USP39: variants seen among roughly 807,000 people sequenced by gnomAD.
USP39 encodes ubiquitin specific peptidase 39, also known as ubiquitin carboxyl-terminal hydrolase 39.
In USP39, 38 loss-of-function variants were observed where a neutral mutation model predicts 66.4. That is an observed-to-expected ratio of 0.57 (90% CI 0.44 to 0.75). The LOEUF (loss-of-function observed/expected upper bound fraction) is 0.75. Ranked by LOEUF, USP39 falls within the 30% of genes least tolerant of loss-of-function variation. The pLI, the probability that USP39 is intolerant of heterozygous loss-of-function variation, is 0.00. For synonymous variants in USP39, 303 were observed against 274.6 expected (o/e 1.10, Z -1.02); for missense variants, 608 against 714.4 (o/e 0.85, Z 1.70).
chr2:85,637,493 G>A (rs1193258314), intron 8 of USP39, 57 bp downstream of exon 8: 4 of 1,576,230 alleles, frequency 2.5e-6, no homozygotes, highest in Non-Finnish European at 3.5e-6. Flanking sequence ...GGGACGTAGG[G>A]GAGATGAAGA....
intron 10 of USP39, among the ~76,000 whole-genome samples, chr2:85,643,093 A>C (rs1169989905): frequency 6.6e-6 from 1 of 151,820 alleles, no homozygotes. Context: ...AAAAAAAATG[A>C]ATAGTTTGCT....
At chr2:85,635,791 T>G in intron 6 of USP39, among the ~76,000 whole-genome samples, 1 of 152,068 alleles carries the variant, frequency 6.6e-6, no homozygotes, top group East Asian at 1.9e-4. Context: ...TATTCATTTG[T>G]TTTGGTCATC....
chr2:85,648,065 C>A lies in USP39; in HGVS notation c.1650+49C>A, dbSNP rs369554377. 7 of 1,597,202 alleles carry A rather than the reference C, an allele frequency of 4.4e-6. No homozygotes were observed. In the African/African-American group the frequency reaches 5.4e-5, roughly 12 times the overall value. On this transcript the variant is annotated intron_variant, in intron 12 of 12. Coordinates refer to ENST00000323701, the MANE Select transcript of USP39 (RefSeq NM_006590.4). ...AGCCACAAATAGGTGGCGTATGGGG[C>A]CAGTGAGAGGAGTGGGCCAAGGCAG...
In USP39 at chr2:85,616,470, GGGGCC is replaced by G; in HGVS notation, c.268+17_268+21del. 6.6e-7 allele frequency: 1 copy of G among 1,518,800 alleles called. No individual in the cohort carries two copies. Among genetic ancestry groups the G allele is most frequent in the East Asian group, 2.5e-5 (1 of 39,910 alleles). The allele number at this position is 1,518,800 out of a possible 1,614,324, so 94.1% of individuals were successfully genotyped here. A position where few individuals can be genotyped will look rare whatever the true frequency, so the allele number is the denominator to read the frequency against. On this transcript the variant is annotated splice_region_variant and intron_variant, in intron 1 of 12. Transcript: ENST00000323701. Reference sequence around the variant, plus strand: ...CCTGAGCGGGAGGTGCGAGGTGCGCGGGGCCGGGCCGGGCTAGGCGCGAGAGCCTG... The same window carrying G: ...CCTGAGCGGGAGGTGCGAGGTGCGCGGGGCCGGGCTAGGCGCGAGAGCCTG...
At chr2:85,639,454 CT>C (rs10660019) in intron 9 of USP39, 63 bp downstream of exon 9, 178,311 of 1,126,244 alleles carry the variant, frequency 0.16, 1 homozygote, top group South Asian at 0.17. Context: ...TTTTCATTTT[CT>C]TTTTTTTTTT....
chr2:85,636,216 C>T, intron 7 of USP39, 86 bp downstream of exon 7: 5 of 1,325,640 alleles, frequency 3.8e-6, no homozygotes, highest in Non-Finnish European at 5.3e-6. Context: ...GCCTATAATC[C>T]CAGCTCTTTG....
chr2:85,621,595 G>T lies in USP39; in HGVS notation c.433+16G>T. ...TACTTTCAAGGTAAATAAGTTGTTA[G>T]AGCTAACTGCAGATCTGCTCCAGAG... On this transcript the variant is annotated intron_variant, in intron 3 of 12. Transcript: ENST00000323701. The T allele has an allele frequency of 6.2e-7, 1 of 1,605,510 alleles. No homozygotes were observed. The highest frequency in any genetic ancestry group is 1.1e-5 in the South Asian group (1 of 90,858).
upstream of USP39, chr2:85,609,667 T>C (rs1400675770): frequency 3.2e-6 from 5 of 1,544,276 alleles, no homozygotes; most frequent in African/African-American, 2.7e-5. Flanking sequence ...CAGGAAAATA[T>C]ACGGTTAGGA....
chr2:85,643,213 AG>A (rs1378371947), intron 10 of USP39, among the ~76,000 whole-genome samples: 2 of 152,116 alleles, frequency 1.3e-5, no homozygotes, highest in Non-Finnish European at 2.9e-5. Flanking sequence ...TCTCCAAACC[AG>A]GCACGGTGGC....
intron 12 of USP39, among the ~76,000 whole-genome samples, chr2:85,648,294 G>C (rs1676799767): frequency 6.6e-6 from 1 of 152,122 alleles, no homozygotes. Context: ...TGTGCGGTCT[G>C]GTTTCGAGGA....
Position 85,623,097 on chromosome 2 carries a change from T to C in USP39, c.434-549T>C, listed in dbSNP as rs571118156. The stretch of plus-strand genomic sequence containing the variant: ...TGGAAGAGCTGAGGTGGGACTTGAA[T>C]TGGCAGGACATAGAATTTGAATGGT... On this transcript the variant is annotated intron_variant, in intron 3 of 12. Transcript: ENST00000323701. Among the ~76,000 whole-genome samples, 3 of 152,230 alleles carry C rather than the reference T, an allele frequency of 2.0e-5. No individual in the cohort carries two copies. The East Asian group carries it at 5.8e-4, about 29-fold the overall frequency.
At chr2:85,611,545 G>A (rs1183633917), upstream of USP39, 3 of 1,550,960 alleles carry the variant, frequency 1.9e-6, no homozygotes, top group South Asian at 3.6e-5. Flanking sequence ...TGAGGTGGAG[G>A]TTCCGGAAAG....
chr2:85,649,083 G>T lies in USP39; in HGVS notation c.*275G>T. On this transcript the variant is annotated 3_prime_UTR_variant, in exon 13 of 13. Coordinates refer to ENST00000323701, the MANE Select transcript of USP39 (RefSeq NM_006590.4). ...TTCAGCAGGGCAGAACCCTTCTCCA[G>T]ATGTGTGTAACTTATGTCTTGAGTA... 1 of 422,938 alleles carries T rather than the reference G, an allele frequency of 2.4e-6. No homozygotes were observed. Among genetic ancestry groups the T allele is most frequent in the Non-Finnish European group, 4.1e-6 (1 of 243,502 alleles). 26.2% of individuals were successfully genotyped at this position (422,938 alleles called of 1,614,324 possible).
intron 2 of USP39, among the ~76,000 whole-genome samples, chr2:85,619,795 C>T (rs994560636): frequency 6.6e-6 from 1 of 151,744 alleles, no homozygotes; most frequent in Non-Finnish European, 1.5e-5. Flanking sequence ...TTTGGCAGGC[C>T]AAGGCAGGAG....
chr2:85,636,138 A>C lies in USP39; in HGVS notation c.1027+8A>C. 6.2e-7 allele frequency: 1 copy of C among 1,612,182 alleles called. No individual in the cohort carries two copies. The highest frequency in any genetic ancestry group is 8.5e-7 in the Non-Finnish European group (1 of 1,179,298). Reference sequence around the variant, plus strand: ...CAAAGAAGAAAAAGAAGAGTAAGTCATTTACTTATAAAAAGGAGTTATTTT... The same window carrying C: ...CAAAGAAGAAAAAGAAGAGTAAGTCCTTTACTTATAAAAAGGAGTTATTTT... On this transcript the variant is annotated splice_region_variant and intron_variant, in intron 7 of 12. Transcript: ENST00000323701.
chr2:85,613,338 C>A (rs1673698116), upstream of USP39, among the ~76,000 whole-genome samples: 1 of 151,992 alleles, frequency 6.6e-6, no homozygotes, highest in South Asian at 2.1e-4. Flanking sequence ...GAAACCCCGT[C>A]TCTACTAAAA....
intron 3 of USP39, among the ~76,000 whole-genome samples, chr2:85,623,044 G>A (rs1247041112): frequency 6.6e-6 from 1 of 152,190 alleles, no homozygotes; most frequent in East Asian, 1.9e-4. Context: ...AAAAATCAAT[G>A]TTAGCTGGAG....
chr2:85,625,036 G>A (rs934014130), intron 4 of USP39, among the ~76,000 whole-genome samples: 1 of 152,036 alleles, frequency 6.6e-6, no homozygotes, highest in Non-Finnish European at 1.5e-5. Context: ...TTCAAAGTGA[G>A]TTTGCGATGA....
At chr2:85,633,618 A>C (rs1270237437) in intron 6 of USP39, among the ~76,000 whole-genome samples, 2 of 151,980 alleles carry the variant, frequency 1.3e-5, no homozygotes, top group Non-Finnish European at 2.9e-5. Context: ...ATTTTTAAAA[A>C]TTACCCAGGC....
Sources: gnomAD v4.1 joint callset for allele counts (sites outside exome capture counted in the v4.1 genomes callset) on GRCh38, gnomAD v4.1.1 for gene constraint, MANE v1.5 for transcripts, NCBI Gene and HGNC (gene_info 2026-07-23, HGNC 2026-07-21) for gene names.